The following SERGEF variants were observed in gnomAD, a reference collection of about 807,000 sequenced individuals.
The protein encoded by SERGEF is secretion regulating guanine nucleotide exchange factor, also known as secretion-regulating guanine nucleotide exchange factor.
In SERGEF, 51 loss-of-function variants were observed where a neutral mutation model predicts 50.0. The ratio of observed to expected loss-of-function variants is 1.02; its 90% CI spans 0.81 to 1.29. The LOEUF is 1.29. Among genes scored for constraint, SERGEF ranks in the 50% most tolerant of loss-of-function variants. The pLI is 0.00. For synonymous variants in SERGEF, 205 were observed against 212.4 expected (o/e 0.97, Z 0.30); for missense variants, 521 against 557.0 (o/e 0.94, Z 0.65).
rs12270067 is a variant in SERGEF, at chr11:17,902,628, C to T, written c.1012-24384G>A. ...AGGGGAGCAGCACATGTACAAAGAACATAAGTTTACTTTTTTAGTTAGGTG... is the reference window on the plus strand; with the variant it reads ...AGGGGAGCAGCACATGTACAAAGAATATAAGTTTACTTTTTTAGTTAGGTG... On this transcript the variant is annotated intron_variant, in intron 9 of 10. Coordinates refer to ENST00000265965, the MANE Select transcript of SERGEF (RefSeq NM_012139.4). Among the ~76,000 whole-genome samples the T allele has an allele frequency of 8.8e-3, 1,335 of 152,266 alleles. 17 individuals carry two copies. Among genetic ancestry groups the T allele is most frequent in the African/African-American group, 0.031 (1,281 of 41,550 alleles).
intron 8 of SERGEF, among the ~76,000 whole-genome samples, chr11:17,984,029 C>T (rs942468466): frequency 2.6e-5 from 4 of 152,222 alleles, no homozygotes; most frequent in African/African-American, 7.2e-5. Context: ...GGTCAGCAGA[C>T]ATCAGATTAC....
chr11:17,881,005 A>T (rs1851324321), intron 9 of SERGEF, among the ~76,000 whole-genome samples: 1 of 152,182 alleles, frequency 6.6e-6, no homozygotes, highest in Non-Finnish European at 1.5e-5. Flanking sequence ...CATTTTAGTC[A>T]TCACAACAAT....
chr11:17,824,027 C>T (rs886123002), intron 10 of SERGEF, among the ~76,000 whole-genome samples: 4 of 152,086 alleles, frequency 2.6e-5, no homozygotes, highest in African/African-American at 4.8e-5. Flanking sequence ...TTTGGCCGGG[C>T]GCGGTGGCTC....
intron 6 of SERGEF, among the ~76,000 whole-genome samples, chr11:17,995,461 T>A (rs981049036): frequency 1.3e-5 from 2 of 152,140 alleles, no homozygotes; most frequent in Non-Finnish European, 2.9e-5. Context: ...TCAATCTGAG[T>A]TTCAGAATTA....
intron 10 of SERGEF, among the ~76,000 whole-genome samples, chr11:17,847,540 A>G (rs964607561): frequency 6.6e-6 from 1 of 152,246 alleles, no homozygotes; most frequent in African/African-American, 2.4e-5. Context: ...ATGATTGTAT[A>G]GATATTTTAA....
intron 9 of SERGEF, among the ~76,000 whole-genome samples, chr11:17,913,826 C>T (rs1373596795): frequency 6.6e-6 from 1 of 152,152 alleles, no homozygotes; most frequent in Non-Finnish European, 1.5e-5. Flanking sequence ...TTCTCTCCAA[C>T]ACCAGTGATG....
rs563098455 is a variant in SERGEF, at chr11:17,919,438, A to C, written c.1011+40032T>G. On this transcript the variant is annotated intron_variant, in intron 9 of 10. Transcript: ENST00000265965. ...GTAATGGGAATGAGGAAAAAGGGAC[A>C]GAAGAGAGAGAGATGGTTACAGAAC... Among the ~76,000 whole-genome samples, 3 of 152,310 alleles carry C rather than the reference A, an allele frequency of 2.0e-5. No individual in the cohort carries two copies. In the South Asian group the frequency reaches 6.2e-4, roughly 32 times the overall value.
chr11:17,969,869 A>C (rs1051011633), intron 8 of SERGEF, among the ~76,000 whole-genome samples: 1 of 152,246 alleles, frequency 6.6e-6, no homozygotes, highest in Non-Finnish European at 1.5e-5. Flanking sequence ...AAAGTTCTTT[A>C]CATTCAATTC....
At chr11:17,839,613 C>A (rs536443536) in intron 10 of SERGEF, among the ~76,000 whole-genome samples, 1 of 152,278 alleles carries the variant, frequency 6.6e-6, no homozygotes, top group African/African-American at 2.4e-5. Flanking sequence ...AGTGAGCTGA[C>A]ACATGCCCTG....
At chr11:17,813,893 G>A (rs1430871216) in intron 10 of SERGEF, among the ~76,000 whole-genome samples, 2 of 152,234 alleles carry the variant, frequency 1.3e-5, no homozygotes, top group African/African-American at 4.8e-5. Flanking sequence ...GCTTGACTCA[G>A]GAAGTGGGGA....
At chr11:17,922,150 T>A (rs1475768131) in intron 9 of SERGEF, among the ~76,000 whole-genome samples, 2 of 152,046 alleles carry the variant, frequency 1.3e-5, no homozygotes, top group Admixed American at 1.3e-4. Context: ...GGAAACAGAG[T>A]GTCCTTGGAG....
chr11:17,877,963 T>TGCCA (rs1302508527), intron 10 of SERGEF: 5 of 411,948 alleles, frequency 1.2e-5, no homozygotes, highest in African/African-American at 2.1e-5. Flanking sequence ...TATGCTCAAA[T>TGCCA]GCCACTTCCC....
At chr11:17,835,150 T>C (rs1850377229) in intron 10 of SERGEF, among the ~76,000 whole-genome samples, 1 of 152,160 alleles carries the variant, frequency 6.6e-6, no homozygotes. Context: ...GTGAACAACT[T>C]TTTCTGGAAA....
intron 9 of SERGEF, among the ~76,000 whole-genome samples, chr11:17,886,735 T>C (rs1851437118): frequency 6.6e-6 from 1 of 152,200 alleles, no homozygotes; most frequent in East Asian, 1.9e-4. Flanking sequence ...AATTAGAATA[T>C]AATATACACA....
chr11:17,790,826 G>A (rs932333362), intron 10 of SERGEF, among the ~76,000 whole-genome samples: 3 of 152,128 alleles, frequency 2.0e-5, no homozygotes, highest in Non-Finnish European at 4.4e-5. Context: ...TCATGAGTAC[G>A]TTCAATTAGT....
At chr11:17,984,839 T>G (rs945905991) in intron 8 of SERGEF, among the ~76,000 whole-genome samples, 1 of 152,246 alleles carries the variant, frequency 6.6e-6, no homozygotes, top group Admixed American at 6.5e-5. Context: ...TCATCTGTTA[T>G]GTATCAGGCC....
chr11:17,901,612 G>C (rs1221665592), intron 9 of SERGEF, among the ~76,000 whole-genome samples: 1 of 152,120 alleles, frequency 6.6e-6, no homozygotes, highest in African/African-American at 2.4e-5. Flanking sequence ...CTCCCTTCCT[G>C]ATCTCTGCCT....
chr11:17,965,410 A>T (rs1853097939), intron 8 of SERGEF, among the ~76,000 whole-genome samples: 1 of 152,132 alleles, frequency 6.6e-6, no homozygotes, highest in Non-Finnish European at 1.5e-5. Flanking sequence ...GAACAGACTA[A>T]TACAGCCTCC....
At chr11:17,889,337 A>G (rs1851489506) in intron 9 of SERGEF, among the ~76,000 whole-genome samples, 1 of 152,230 alleles carries the variant, frequency 6.6e-6, no homozygotes, top group African/African-American at 2.4e-5. Flanking sequence ...AATCACTAAT[A>G]ATGTGCCAAA....
Sources: allele counts gnomAD v4.1 joint callset (sites outside exome capture counted in the v4.1 genomes callset), GRCh38; gene constraint gnomAD v4.1.1; transcripts MANE v1.5; gene names NCBI Gene and HGNC (gene_info 2026-07-23, HGNC 2026-07-21).